The following CUX1 variants were observed in gnomAD, a reference collection of about 807,000 sequenced individuals.
CUX1 encodes cut like homeobox 1.
A neutral mutation model predicts 158.8 loss-of-function variants in CUX1; 31 were observed. The observed-to-expected ratio is 0.20, with a 90% CI of 0.15 to 0.26. The LOEUF is 0.26. CUX1 is among the 10% of genes least tolerant of loss of function. The pLI is 1.00. For synonymous variants in CUX1, 879 were observed against 862.1 expected (o/e 1.02, Z -0.34); for missense variants, 1,589 against 2,014.6 (o/e 0.79, Z 4.04).
chr7:102,216,606 A>ACACTCT (rs1286349924), intron 20 of CUX1, among the ~76,000 whole-genome samples: 2 of 68,270 alleles, frequency 2.9e-5, no homozygotes, highest in African/African-American at 5.1e-5. Context: ...TCCCACACAC[A>ACACTCT]CACACACACT....
intron 2 of CUX1, chr7:101,932,629 G>C (rs1473950652): frequency 2.2e-6 from 1 of 454,626 alleles, no homozygotes; most frequent in East Asian, 7.0e-5. Context: ...AAAGGTGATA[G>C]CTTCTGTTTC....
chr7:102,194,025 C>T (rs981170665), intron 13 of CUX1, 135 bp downstream of exon 13: 1 of 844,608 alleles, frequency 1.2e-6, no homozygotes, highest in Non-Finnish European at 1.9e-6. Context: ...ACTTCAAGAA[C>T]ATTTAACCAA....
chr7:101,900,018 C>CT (rs1801966092), intron 1 of CUX1, among the ~76,000 whole-genome samples: 1 of 152,202 alleles, frequency 6.6e-6, no homozygotes, highest in South Asian at 2.1e-4. Context: ...TTTACAGAGT[C>CT]TAAGTTAAAG....
chr7:101,836,719 T>A (rs1386238438), intron 1 of CUX1, among the ~76,000 whole-genome samples: 1 of 149,064 alleles, frequency 6.7e-6, no homozygotes, highest in Non-Finnish European at 1.5e-5. Context: ...ATCCTGGCTG[T>A]TCCTTCCCCA....
intron 1 of CUX1, among the ~76,000 whole-genome samples, chr7:101,853,298 C>T (rs1007110363): frequency 6.6e-6 from 1 of 152,166 alleles, no homozygotes; most frequent in African/African-American, 2.4e-5. Flanking sequence ...TGAGTTTGAG[C>T]TCTATAAAAA....
At chr7:101,971,218 A>G (rs879826371) in intron 2 of CUX1, among the ~76,000 whole-genome samples, 3 of 152,180 alleles carry the variant, frequency 2.0e-5, no homozygotes, top group Non-Finnish European at 4.4e-5. Context: ...CCTTGACACT[A>G]TGCCATTCCT....
chr7:102,127,309 C>T (rs949981433), intron 8 of CUX1, among the ~76,000 whole-genome samples: 2 of 152,182 alleles, frequency 1.3e-5, no homozygotes, highest in African/African-American at 2.4e-5. Flanking sequence ...TGGGCTTGAG[C>T]GATCCTCCCA....
At chr7:101,866,085 G>A (rs1030139327) in intron 1 of CUX1, among the ~76,000 whole-genome samples, 1 of 152,160 alleles carries the variant, frequency 6.6e-6, no homozygotes, top group Admixed American at 6.5e-5. Flanking sequence ...AGCATGTTGG[G>A]AGGCTGAGGT....
chr7:102,118,578 G>A (rs1831680818), intron 8 of CUX1, among the ~76,000 whole-genome samples: 1 of 152,130 alleles, frequency 6.6e-6, no homozygotes. Context: ...GGGAATTGGA[G>A]AGGCATGAAG....
chr7:101,916,927 C>G lies in CUX1; in HGVS notation c.141+702C>G, dbSNP rs1175367902. Among the ~76,000 whole-genome samples, 1 of 151,850 alleles carries G rather than the reference C, an allele frequency of 6.6e-6. No individual in the cohort carries two copies. The highest frequency in any genetic ancestry group is 1.9e-4 in the East Asian group (1 of 5,160). On this transcript the variant is annotated intron_variant, in intron 2 of 23. Transcript: ENST00000292535. The surrounding 1 kb of genome is among the most constrained non-coding windows in gnomAD (Gnocchi z 4.4). ...CTTACTAAGAAAAAAAAAAAAACATCCAAGCGTGTTGCAGGCAGATGAGCA... is the reference window on the plus strand; with the variant it reads ...CTTACTAAGAAAAAAAAAAAAACATGCAAGCGTGTTGCAGGCAGATGAGCA...
At chr7:101,823,548 A>G (rs1011579223) in intron 1 of CUX1, among the ~76,000 whole-genome samples, 2 of 152,208 alleles carry the variant, frequency 1.3e-5, no homozygotes, top group East Asian at 1.9e-4. Flanking sequence ...TGATTGATGC[A>G]GTTAACAAAG....
intron 1 of CUX1, among the ~76,000 whole-genome samples, chr7:101,885,614 GCCGCAGGGTCCCCTTGT>G (rs1242744513): frequency 2.6e-5 from 4 of 152,134 alleles, no homozygotes; most frequent in Admixed American, 6.5e-5. Context: ...GAAGGCCCAG[GCCGCAGGGTCCCCTTGT>G]CCTTAAAGGC....
intron 1 of CUX1, among the ~76,000 whole-genome samples, chr7:101,853,587 GTGTGTGT>G (rs1562930287): frequency 1.4e-5 from 1 of 69,710 alleles, no homozygotes; most frequent in Non-Finnish European, 3.5e-5. Context: ...TAGAAAGGGT[GTGTGTGT>G]GTGTGTGTGT....
chr7:101,892,021 A>G (rs920892943), intron 1 of CUX1, among the ~76,000 whole-genome samples: 3 of 152,186 alleles, frequency 2.0e-5, no homozygotes, highest in African/African-American at 7.2e-5. Flanking sequence ...GGCAGTGCCT[A>G]TTTCAGCATC....
chr7:102,263,314 C>CT (rs71123026), intron 14 of CUX1, among the ~76,000 whole-genome samples: 997 of 89,494 alleles, frequency 0.011, 92 homozygotes, highest in African/African-American at 0.032. Flanking sequence ...CACACCTAGC[C>CT]TTTTTTTTTT....
At chr7:101,975,818 C>G (rs149615894) in intron 2 of CUX1, among the ~76,000 whole-genome samples, 138 of 152,250 alleles carry the variant, frequency 9.1e-4, no homozygotes, top group South Asian at 6.2e-3. Context: ...TGGTCTTTTA[C>G]CTCGTCGTCA....
intron 10 of CUX1, among the ~76,000 whole-genome samples, chr7:102,176,015 C>T (rs1484970705): frequency 1.3e-5 from 2 of 152,244 alleles, no homozygotes. Context: ...GCCTGGACAG[C>T]CTGTGCCTGG....
chr7:101,977,470 ATC>A (rs1479970364), intron 2 of CUX1, among the ~76,000 whole-genome samples: 1 of 152,128 alleles, frequency 6.6e-6, no homozygotes, highest in Non-Finnish European at 1.5e-5. Context: ...GCAAGACCCC[ATC>A]TCTACCAAAA....
intron 23 of CUX1, among the ~76,000 whole-genome samples, chr7:102,246,367 C>T (rs1334529116): frequency 6.6e-6 from 1 of 152,124 alleles, no homozygotes; most frequent in Non-Finnish European, 1.5e-5. Flanking sequence ...CAGAACCTTT[C>T]CTTTCTGAAC....
Sources: gnomAD v4.1 joint callset for allele counts (sites outside exome capture counted in the v4.1 genomes callset) on GRCh38, gnomAD v4.1.1 for gene constraint, Gnocchi (gnomAD v3.1) non-coding constraint, MANE v1.5 for transcripts, NCBI Gene and HGNC (gene_info 2026-07-23, HGNC 2026-07-21) for gene names.